MAK: variants seen among roughly 807,000 people sequenced by gnomAD.
The protein encoded by MAK is male germ cell associated kinase, also known as serine/threonine-protein kinase MAK.
A neutral mutation model predicts 82.6 loss-of-function variants in MAK; 65 were observed. The ratio of observed to expected loss-of-function variants is 0.79; its 90% CI spans 0.64 to 0.97. The LOEUF is 0.97. MAK is among the 50% of genes least tolerant of loss of function. MAK has a pLI of 0.00. For synonymous variants in MAK, 250 were observed against 274.2 expected (o/e 0.91, Z 0.87); for missense variants, 703 against 780.2 (o/e 0.90, Z 1.18).
At chr6:10,784,993 G>T in intron 10 of MAK, 1 of 439,842 alleles carries the variant, frequency 2.3e-6, no homozygotes, top group Non-Finnish European at 4.5e-6. Flanking sequence ...CTGAAATGGG[G>T]AAAGAAGTGC....
chr6:10,783,176 G>A (rs770507093), intron 11 of MAK, among the ~76,000 whole-genome samples: 3 of 152,142 alleles, frequency 2.0e-5, no homozygotes, highest in Non-Finnish European at 2.9e-5. Context: ...CTGGATTAAA[G>A]ATGTATCTGT....
intron 2 of MAK, among the ~76,000 whole-genome samples, chr6:10,829,592 C>A (rs1306911570): frequency 6.6e-6 from 1 of 152,026 alleles, no homozygotes; most frequent in Non-Finnish European, 1.5e-5. Flanking sequence ...AAACGAAAAC[C>A]AACAAATAAA....
In MAK at chr6:10,764,088, G is replaced by A. The variant is rs1261900851; in HGVS notation, c.*364C>T. On this transcript the variant is annotated 3_prime_UTR_variant, in exon 15 of 15. Transcript: ENST00000354489. Reference sequence around the variant, plus strand: ...AAGTGAAGAACTACTAAACCATTTGGGCACATACAACAAATGAAAACTAAA... The same window carrying A: ...AAGTGAAGAACTACTAAACCATTTGAGCACATACAACAAATGAAAACTAAA... The A allele has an allele frequency of 1.8e-5, 4 of 219,978 alleles. No homozygotes were observed. The highest frequency in any genetic ancestry group is 3.7e-5 in the Non-Finnish European group (4 of 109,174). The allele number at this position is 219,978 out of a possible 1,614,324, so 13.6% of individuals were successfully genotyped here. A position where few individuals can be genotyped will look rare whatever the true frequency, so the allele number is the denominator to read the frequency against.
At chr6:10,803,585 T>C in intron 7 of MAK, 135 bp downstream of exon 7, 1 of 702,024 alleles carries the variant, frequency 1.4e-6, no homozygotes. Flanking sequence ...ATCATTAAAG[T>C]ATGAGCCTAT....
chr6:10,816,642 C>T (rs1385385202), intron 4 of MAK, among the ~76,000 whole-genome samples: 1 of 152,128 alleles, frequency 6.6e-6, no homozygotes, highest in Non-Finnish European at 1.5e-5. Context: ...GTCACATACA[C>T]ACAATTTGGT....
intron 4 of MAK, among the ~76,000 whole-genome samples, chr6:10,814,833 T>C (rs1242374837): frequency 6.6e-6 from 1 of 151,248 alleles, no homozygotes; most frequent in Admixed American, 6.6e-5. Flanking sequence ...AGGTCAGGAG[T>C]TCGAGAGCAG....
intron 8 of MAK, among the ~76,000 whole-genome samples, chr6:10,799,440 G>A (rs1370317588): frequency 6.6e-6 from 1 of 151,906 alleles, no homozygotes; most frequent in Non-Finnish European, 1.5e-5. Flanking sequence ...TATTATGAAG[G>A]TAATGAATGT....
chr6:10,802,686 C>A, intron 7 of MAK: 1 of 152,358 alleles, frequency 6.6e-6, no homozygotes, highest in Non-Finnish European at 1.5e-5. Context: ...TAACTCTGAA[C>A]AAATAAGGAA....
chr6:10,805,457 G>T (rs1048607285), intron 6 of MAK, among the ~76,000 whole-genome samples: 1 of 151,820 alleles, frequency 6.6e-6, no homozygotes, highest in African/African-American at 2.4e-5. Flanking sequence ...TGTAGTGGTG[G>T]GCGTCTGTAA....
intron 13 of MAK, among the ~76,000 whole-genome samples, chr6:10,771,953 G>A (rs2127514229): frequency 6.6e-6 from 1 of 152,350 alleles, no homozygotes; most frequent in Middle Eastern, 3.4e-3. Context: ...CTCATCAGCA[G>A]AGCAAACACT....
chr6:10,825,332 CT>C (rs1370095930), intron 2 of MAK, among the ~76,000 whole-genome samples: 1 of 152,168 alleles, frequency 6.6e-6, no homozygotes, highest in Non-Finnish European at 1.5e-5. Context: ...GCTTCTGCTT[CT>C]TTAGATCTTT....
chr6:10,811,904 A>G (rs1268388721), intron 5 of MAK, among the ~76,000 whole-genome samples: 1 of 152,150 alleles, frequency 6.6e-6, no homozygotes, highest in Non-Finnish European at 1.5e-5. Context: ...AACAAAATAT[A>G]AACTACAGGA....
rs1772193445 is a variant in MAK at position 10,764,306 on chromosome 6, G to T, written c.*146C>A. 1.4e-6 allele frequency: 1 copy of T among 726,556 alleles called. No homozygotes were observed. Among genetic ancestry groups the T allele is most frequent in the Non-Finnish European group, 2.3e-6 (1 of 443,272 alleles). 45.0% of individuals were successfully genotyped at this position (726,556 alleles called of 1,614,324 possible). A position where few individuals can be genotyped will look rare whatever the true frequency, so the allele number is the denominator to read the frequency against. On this transcript the variant is annotated 3_prime_UTR_variant, in exon 15 of 15. Transcript: ENST00000354489. ...CATTTCTTGGAAATAAGTAAAATAG[G>T]GGATGATTTTTGCCCTTCCAAGTAC...
At chr6:10,765,460 T>A (rs1173132114) in intron 14 of MAK, among the ~76,000 whole-genome samples, 1 of 42,120 alleles carries the variant, frequency 2.4e-5, no homozygotes, top group African/African-American at 7.0e-5. Flanking sequence ...TTTTTTTTTT[T>A]TTTTTTTTTT....
rs768958263 is a variant in MAK, at chr6:10,803,962, C to T, written c.492-71G>A. 5.5e-5 allele frequency: 71 copies of T among 1,301,728 alleles called. No individual in the cohort carries two copies. In the Middle Eastern group the frequency reaches 1.8e-3, roughly 33 times the overall value. 80.6% of individuals were successfully genotyped at this position (1,301,728 alleles called of 1,614,324 possible). On this transcript the variant is annotated intron_variant, in intron 6 of 14. Transcript: ENST00000354489. ...AAGGTGGATGGGCAGTAGCATTCTA[C>T]GCTGTGTGGTCATGCATTTCCATCA...
chr6:10,801,019 C>T (rs1396282097), intron 8 of MAK, among the ~76,000 whole-genome samples: 1 of 146,800 alleles, frequency 6.8e-6, no homozygotes, highest in East Asian at 1.9e-4. Flanking sequence ...TGTTCTGCAA[C>T]ATTCAGCTAT....
chr6:10,801,988 G>C lies in MAK; in HGVS notation c.735C>G (p.Asn245Lys). 6.2e-7 allele frequency: 1 copy of C among 1,613,986 alleles called. No individual in the cohort carries two copies. The highest frequency in any genetic ancestry group is 8.5e-7 in the Non-Finnish European group (1 of 1,179,934). Reference sequence around the variant, plus strand: ...TGGCATTGGGAATAAGAGTTTTTAAGTTTATAGGAACACACTGGGGAAAAC... The same window carrying C: ...TGGCATTGGGAATAAGAGTTTTTAACTTTATAGGAACACACTGGGGAAAAC... ...NFRFPQCVPI[N>K]LKTLIPNASN... Residue 245 changes from asparagine (N) to lysine (K), a missense_variant, in exon 8 of 15, where the codon AAC becomes AAG. Coordinates refer to ENST00000354489, the MANE Select transcript of MAK (RefSeq NM_001242957.3).
chr6:10,796,295 T>C lies in MAK; in HGVS notation c.846A>G (p.Pro282=). ...RPTASQALKH[P]YFQVGQVLGP... Reference sequence around the variant, plus strand: ...CTAATACCTGACCAACTTGAAAATATGGGTGTTTCAATGCCTATAAAAACA... The same window carrying C: ...CTAATACCTGACCAACTTGAAAATACGGGTGTTTCAATGCCTATAAAAACA... Residue 282 remains proline (P), a synonymous_variant, in exon 9 of 15, where the codon CCA becomes CCG. Transcript: ENST00000354489. The C allele has an allele frequency of 1.2e-6, 2 of 1,613,372 alleles. No homozygotes were observed. The highest frequency in any genetic ancestry group is 1.7e-6 in the Non-Finnish European group (2 of 1,179,856).
In MAK at chr6:10,775,576, A is replaced by G. The variant is rs1428371107; in HGVS notation, c.1466-117T>C. The G allele has an allele frequency of 9.4e-6, 11 of 1,168,384 alleles. No homozygotes were observed. In the Admixed American group the frequency reaches 1.6e-4, roughly 17 times the overall value. The allele number at this position is 1,168,384 out of a possible 1,614,324, so 72.4% of individuals were successfully genotyped here. ...ACCTTGGACAGGAGAATGGAAATAA[A>G]TCTAGGTGAAAATGTAGCAGATACT... On this transcript the variant is annotated intron_variant, in intron 11 of 14. Transcript: ENST00000354489.
Sources: allele counts gnomAD v4.1 joint callset (sites outside exome capture counted in the v4.1 genomes callset), GRCh38; gene constraint gnomAD v4.1.1; transcripts MANE v1.5; gene names NCBI Gene and HGNC (gene_info 2026-07-23, HGNC 2026-07-21).